SPAG16: variants seen among roughly 807,000 people sequenced by gnomAD.
SPAG16 encodes sperm-associated antigen 16 protein.
In SPAG16, 86 loss-of-function variants were observed where a neutral mutation model predicts 80.4. The observed-to-expected ratio is 1.07, with a 90% CI of 0.90 to 1.28. The LOEUF (loss-of-function observed/expected upper bound fraction) is 1.28, where lower values mean the gene tolerates loss of function less well. Ranked by LOEUF, SPAG16 falls within the 50% of genes most tolerant of loss-of-function variation. The probability of loss-of-function intolerance (pLI) is 0.00; values close to 1 mark genes in which losing one functional copy is unlikely to be tolerated. For synonymous variants in SPAG16, 294 were observed against 265.9 expected, an observed-to-expected ratio of 1.11 and a Z score of -1.03; for missense variants, 870 against 765.3, an observed-to-expected ratio of 1.14 and a Z score of -1.61.
Position 214,061,258 on chromosome 2 carries a change from A to G in SPAG16, c.1528-46938A>G, listed in dbSNP as rs1300573524. 2.0e-5 allele frequency among the ~76,000 whole-genome samples: 3 copies of G among 152,176 alleles called. 1 individual carries two copies. Among genetic ancestry groups the G allele is most frequent in the Non-Finnish European group, 4.4e-5 (3 of 68,024 alleles). On this transcript the variant is annotated intron_variant, in intron 13 of 15. Transcript: ENST00000331683. ...GGGAAGCAGTGCCAAAAGCTGAGATATGGTGCTGGGAATTATGCGTGTTAT... is the reference window on the plus strand; with the variant it reads ...GGGAAGCAGTGCCAAAAGCTGAGATGTGGTGCTGGGAATTATGCGTGTTAT...
intron 10 of SPAG16, among the ~76,000 whole-genome samples, chr2:213,757,054 A>G (rs1264201426): frequency 6.6e-6 from 1 of 152,220 alleles, no homozygotes; most frequent in East Asian, 1.9e-4. Flanking sequence ...CACAAAATCA[A>G]TATGCAAATA....
chr2:213,460,619 T>C (rs2072306255), intron 9 of SPAG16, among the ~76,000 whole-genome samples: 1 of 152,190 alleles, frequency 6.6e-6, no homozygotes, highest in Non-Finnish European at 1.5e-5. Context: ...TCTTTAATCT[T>C]TGATTTTGTT....
At chr2:213,834,501 C>T (rs2073970003) in intron 10 of SPAG16, among the ~76,000 whole-genome samples, 2 of 152,112 alleles carry the variant, frequency 1.3e-5, no homozygotes, top group African/African-American at 4.8e-5. Flanking sequence ...GCATTTCTTC[C>T]TCCCTGGTAT....
intron 10 of SPAG16, among the ~76,000 whole-genome samples, chr2:213,729,116 T>A (rs189468818): frequency 6.6e-6 from 1 of 152,224 alleles, no homozygotes; most frequent in African/African-American, 2.4e-5. Context: ...CTTGCAACAT[T>A]TATTAGGCTT....
At chr2:213,680,485 T>C (rs1206521650) in intron 10 of SPAG16, among the ~76,000 whole-genome samples, 4 of 152,070 alleles carry the variant, frequency 2.6e-5, no homozygotes, top group African/African-American at 9.7e-5. Flanking sequence ...AGGGCTCTTA[T>C]GGATGTCCAA....
chr2:214,304,888 A>G (rs1484908987), intron 15 of SPAG16, among the ~76,000 whole-genome samples: 1 of 152,112 alleles, frequency 6.6e-6, no homozygotes, highest in Admixed American at 6.5e-5. Flanking sequence ...TTGGGTATAT[A>G]CTCAGTAATG....
chr2:213,715,528 ACTCT>A (rs1454730110), intron 10 of SPAG16, among the ~76,000 whole-genome samples: 5 of 151,914 alleles, frequency 3.3e-5, no homozygotes, highest in Non-Finnish European at 5.9e-5. Flanking sequence ...AAGGTGTTGT[ACTCT>A]CTGTTCCTCT....
At chr2:214,022,298 A>G (rs11675561) in intron 13 of SPAG16, among the ~76,000 whole-genome samples, 62,531 of 151,904 alleles carry the variant, frequency 0.41, 14,092 homozygotes, top group Middle Eastern at 0.51. Context: ...ATTATCTTGT[A>G]TTTACATCAG....
At chr2:213,641,550 C>T (rs1180360294) in intron 10 of SPAG16, among the ~76,000 whole-genome samples, 1 of 152,192 alleles carries the variant, frequency 6.6e-6, no homozygotes, top group Admixed American at 6.5e-5. Context: ...CTGCGTTCCC[C>T]AAAGGCCCCT....
chr2:213,474,941 T>A (rs2073288711), intron 9 of SPAG16, among the ~76,000 whole-genome samples: 1 of 152,188 alleles, frequency 6.6e-6, no homozygotes, highest in Non-Finnish European at 1.5e-5. Context: ...TTCACTGAAG[T>A]TGACACTCAG....
intron 14 of SPAG16, among the ~76,000 whole-genome samples, chr2:214,116,494 A>C (rs1467688778): frequency 6.6e-6 from 1 of 152,090 alleles, no homozygotes; most frequent in African/African-American, 2.4e-5. Context: ...TTGCACACTC[A>C]CGTGGGCCAG....
chr2:213,530,273 C>T (rs2076025183), intron 10 of SPAG16, among the ~76,000 whole-genome samples: 1 of 152,156 alleles, frequency 6.6e-6, no homozygotes, highest in Non-Finnish European at 1.5e-5. Context: ...TGACTGGCAG[C>T]ACAGTGGGTT....
chr2:213,455,497 A>G (rs571386697), intron 9 of SPAG16, among the ~76,000 whole-genome samples: 8 of 152,230 alleles, frequency 5.3e-5, no homozygotes, highest in Admixed American at 2.6e-4. Flanking sequence ...CAATCTGGCT[A>G]TTGTTGAGAT....
At chr2:214,254,264 G>C (rs140888057) in intron 15 of SPAG16, among the ~76,000 whole-genome samples, 2,485 of 152,148 alleles carry the variant, frequency 0.016, 42 homozygotes, top group African/African-American at 0.037. Flanking sequence ...CTTCCTGTTT[G>C]AATGCCCTTT....
intron 10 of SPAG16, among the ~76,000 whole-genome samples, chr2:213,761,834 C>G (rs556919620): frequency 6.6e-6 from 1 of 151,972 alleles, no homozygotes; most frequent in East Asian, 1.9e-4. Flanking sequence ...CCACTGCATT[C>G]CAGCCTGGGT....
intron 15 of SPAG16, among the ~76,000 whole-genome samples, chr2:214,176,955 A>T (rs1313258162): frequency 7.3e-5 from 11 of 150,722 alleles, no homozygotes; most frequent in South Asian, 2.1e-4. Context: ...AGCTTTTTTT[A>T]AAAAAATTTC....
chr2:214,404,417 G>A (rs1057358474), intron 15 of SPAG16, among the ~76,000 whole-genome samples: 2 of 152,054 alleles, frequency 1.3e-5, no homozygotes, highest in Non-Finnish European at 2.9e-5. Context: ...GATGAAAAGG[G>A]CCTCTTTGTT....
At chr2:213,979,084 T>C (rs962529679) in intron 12 of SPAG16, among the ~76,000 whole-genome samples, 2 of 152,132 alleles carry the variant, frequency 1.3e-5, no homozygotes, top group Middle Eastern at 3.4e-3. Context: ...ATATGTTCTA[T>C]TGGTGACATA....
At chr2:213,945,186 A>G (rs945536112) in intron 12 of SPAG16, among the ~76,000 whole-genome samples, 16 of 150,638 alleles carry the variant, frequency 1.1e-4, no homozygotes, top group African/African-American at 3.7e-4. Flanking sequence ...ATATGTATAT[A>G]TATCTTTTTA....
Sources: allele counts gnomAD v4.1 joint callset (sites outside exome capture counted in the v4.1 genomes callset), GRCh38; gene constraint gnomAD v4.1.1; transcripts MANE v1.5; gene names NCBI Gene and HGNC (gene_info 2026-07-23, HGNC 2026-07-21).